Variants in RFT1 observed in about 807,000 individuals in gnomAD.
RFT1 encodes man(5)GlcNAc(2)-PP-dolichol translocation protein RFT1.
RFT1 carries 43 observed loss-of-function variants against 62.2 expected under a neutral mutation model. The observed-to-expected ratio is 0.69, with a 90% CI of 0.54 to 0.89. The LOEUF is 0.89. Ranked by LOEUF, RFT1 falls within the 40% of genes least tolerant of loss-of-function variation. The pLI is 0.00. For missense variants in RFT1, 605 were observed against 649.9 expected, an observed-to-expected ratio of 0.93 and a Z score of 0.75; for synonymous variants, 262 against 264.6, an observed-to-expected ratio of 0.99 and a Z score of 0.10.
chr3:53,123,952 G>A, intron 2 of RFT1, 112 bp from the exon 3 acceptor site: 1 of 851,890 alleles, frequency 1.2e-6, no homozygotes, highest in Non-Finnish European at 1.9e-6. Flanking sequence ...AACCACTGGT[G>A]GTGATGTGGA....
At chr3:53,103,879 A>G (rs976912435) in intron 10 of RFT1, 74 bp downstream of exon 10, 6 of 1,571,942 alleles carry the variant, frequency 3.8e-6, no homozygotes, top group Middle Eastern at 1.7e-4. Flanking sequence ...GTGTGTGCAC[A>G]AGTTCTTGAA....
chr3:53,104,383 G>GT (rs1701404959), intron 9 of RFT1, among the ~76,000 whole-genome samples: 1 of 149,448 alleles, frequency 6.7e-6, no homozygotes, highest in African/African-American at 2.4e-5. Context: ...TCTGATATTT[G>GT]TTCTTTTTTT....
rs1371609427 is a variant in RFT1, at chr3:53,120,757, C to T, written c.559-736G>A. On this transcript the variant is annotated intron_variant, in intron 5 of 12. Transcript: ENST00000296292. ...AGAAAGACTGGCACCTCTAGACTTG[C>T]TTTCAACCTGGCAATATCAAGGCTG... Among the ~76,000 whole-genome samples the T allele has an allele frequency of 3.9e-5, 6 of 152,352 alleles. No individual in the cohort carries two copies. In the East Asian group the frequency reaches 1.2e-3, roughly 29 times the overall value.
chr3:53,100,005 A>G (rs1038406586), intron 10 of RFT1, among the ~76,000 whole-genome samples: 1 of 152,212 alleles, frequency 6.6e-6, no homozygotes, highest in African/African-American at 2.4e-5. Flanking sequence ...AAAAAGAACA[A>G]TTATGAATAA....
chr3:53,084,551 C>T (rs149017851), downstream of RFT1, among the ~76,000 whole-genome samples: 7 of 152,276 alleles, frequency 4.6e-5, no homozygotes, highest in African/African-American at 1.2e-4. Context: ...CTAATGCAGC[C>T]GTGTCTTAAT....
At chr3:53,087,768 G>C (rs1429156031), downstream of RFT1, among the ~76,000 whole-genome samples, 1 of 152,180 alleles carries the variant, frequency 6.6e-6, no homozygotes, top group Non-Finnish European at 1.5e-5. Flanking sequence ...CAATCCTCCT[G>C]CTTCAGCCTC....
intron 11 of RFT1, 94 bp from the exon 12 acceptor site, chr3:53,092,712 GA>G (rs1195051804): frequency 7.1e-7 from 1 of 1,416,496 alleles, no homozygotes; most frequent in African/African-American, 1.4e-5. Context: ...CTCACAGAAA[GA>G]ACCTGAGCTC....
intron 11 of RFT1, among the ~76,000 whole-genome samples, chr3:53,095,171 C>T (rs1042711323): frequency 6.6e-6 from 1 of 151,756 alleles, no homozygotes; most frequent in Non-Finnish European, 1.5e-5. Context: ...GAGGCTGAGG[C>T]AGAATTGCTT....
At chr3:53,130,146 G>A (rs1702219915) in intron 1 of RFT1, among the ~76,000 whole-genome samples, 192 bp downstream of exon 1, 1 of 152,180 alleles carries the variant, frequency 6.6e-6, no homozygotes, top group Non-Finnish European at 1.5e-5. Flanking sequence ...GACTCTAAAG[G>A]CAGGCTCCTA....
Position 53,095,725 on chromosome 3 carries a change from TAA to T in RFT1, c.1209-3109_1209-3108del, listed in dbSNP as rs5848975. ...AGTGAGACCCTGTCTCAAAAAAAGT[TAA>T]AAAAAAAAAAAAGGCATGGATGGTC... On this transcript the variant is annotated intron_variant, in intron 11 of 12. Transcript: ENST00000296292. 3.9e-3 allele frequency among the ~76,000 whole-genome samples: 573 copies of T among 145,938 alleles called. 1 individual carries two copies. Among genetic ancestry groups the T allele is most frequent in the Middle Eastern group, 7.1e-3 (2 of 282 alleles).
At chr3:53,112,171 T>TGGGGGCC (rs1269162129) in intron 6 of RFT1, among the ~76,000 whole-genome samples, 1 of 152,218 alleles carries the variant, frequency 6.6e-6, no homozygotes, top group African/African-American at 2.4e-5. Context: ...TGCTGTCCCT[T>TGGGGGCC]GGGGGCCCAC....
the RFT1 span, among the ~76,000 whole-genome samples, chr3:53,080,153 T>G: frequency 6.6e-6 from 1 of 152,242 alleles, no homozygotes; most frequent in African/African-American, 2.4e-5. Context: ...AATCTAAGGC[T>G]GATGGGAAAT....
chr3:53,076,790 A>G, the RFT1 span, among the ~76,000 whole-genome samples: 1 of 152,102 alleles, frequency 6.6e-6, no homozygotes, highest in Non-Finnish European at 1.5e-5. Flanking sequence ...ATCTCTACAA[A>G]TCATTTTAAA....
chr3:53,114,548 T>G (rs530251756), intron 6 of RFT1, among the ~76,000 whole-genome samples: 2 of 151,588 alleles, frequency 1.3e-5, no homozygotes, highest in African/African-American at 4.9e-5. Flanking sequence ...AGGGGCTGAG[T>G]GGTGGGAGAG....
chr3:53,068,397 G>A, the RFT1 span, among the ~76,000 whole-genome samples: 2 of 152,136 alleles, frequency 1.3e-5, no homozygotes, highest in Admixed American at 6.5e-5. Context: ...TACTCGACAC[G>A]GTGCCTCCTG....
At chr3:53,121,525 G>C (rs554085786) in intron 5 of RFT1, among the ~76,000 whole-genome samples, 174 bp downstream of exon 5, 10 of 152,336 alleles carry the variant, frequency 6.6e-5, no homozygotes, top group Non-Finnish European at 1.0e-4. Context: ...TCAGTGTATG[G>C]AACACAATGG....
downstream of RFT1, among the ~76,000 whole-genome samples, chr3:53,086,044 G>GT (rs1405948136): frequency 6.6e-6 from 1 of 152,198 alleles, no homozygotes; most frequent in Non-Finnish European, 1.5e-5. Context: ...ATGCAAATCA[G>GT]TAAGTCTTCC....
At chr3:53,117,835 C>T (rs1023524025) in intron 6 of RFT1, among the ~76,000 whole-genome samples, 1 of 152,182 alleles carries the variant, frequency 6.6e-6, no homozygotes, top group Non-Finnish European at 1.5e-5. Context: ...CTATTATTAT[C>T]CCCATTTGAC....
chr3:53,126,810 T>A (rs1430541257), intron 1 of RFT1, among the ~76,000 whole-genome samples: 1 of 151,966 alleles, frequency 6.6e-6, no homozygotes, highest in African/African-American at 2.4e-5. Flanking sequence ...CTGGGAAGAG[T>A]GCAAACCTCA....
Sources: allele counts gnomAD v4.1 joint callset (sites outside exome capture counted in the v4.1 genomes callset), GRCh38; gene constraint gnomAD v4.1.1; transcripts MANE v1.5; gene names NCBI Gene and HGNC (gene_info 2026-07-23, HGNC 2026-07-21).